Variants in SYN3 observed in about 807,000 individuals in gnomAD.
The protein encoded by SYN3 is synapsin III.
A neutral mutation model predicts 65.8 loss-of-function variants in SYN3; 35 were observed. That is an observed-to-expected ratio of 0.53 (90% CI 0.41 to 0.70). The LOEUF is 0.70. Ranked by LOEUF, SYN3 falls within the 30% of genes least tolerant of loss-of-function variation. The pLI, the probability that SYN3 is intolerant of heterozygous loss-of-function variation, is 0.00. For synonymous variants in SYN3, 270 were observed against 292.9 expected, an observed-to-expected ratio of 0.92 and a Z score of 0.80; for missense variants, 680 against 749.0, an observed-to-expected ratio of 0.91 and a Z score of 1.08.
rs1026864520 is a variant in SYN3, at chr22:32,682,901, G to A, written c.712-86165C>T. Among the ~76,000 whole-genome samples the A allele has an allele frequency of 4.5e-3, 688 of 152,244 alleles. 7 individuals carry two copies. Among genetic ancestry groups the A allele is most frequent in the African/African-American group, 0.016 (663 of 41,524 alleles). On this transcript the variant is annotated intron_variant, in intron 6 of 13. Transcript: ENST00000358763. The stretch of plus-strand genomic sequence containing the variant: ...CATTTAGCAGATATGCCCTTGGAAG[G>A]TGCCTTGGTGAGGCTAGCTGTGACA...
chr22:32,675,999 T>C (rs1317066113), intron 6 of SYN3, among the ~76,000 whole-genome samples: 3 of 152,158 alleles, frequency 2.0e-5, no homozygotes, highest in Non-Finnish European at 4.4e-5. Context: ...CAAACTGTCA[T>C]TGTGTGGTCA....
At chr22:32,805,719 C>A (rs2145952617) in intron 6 of SYN3, among the ~76,000 whole-genome samples, 1 of 150,790 alleles carries the variant, frequency 6.6e-6, no homozygotes, top group East Asian at 2.0e-4. Flanking sequence ...TTGTCCAAGG[C>A]CACCCAGTTG....
chr22:32,667,550 G>A (rs1186751570), intron 6 of SYN3, among the ~76,000 whole-genome samples: 2 of 152,150 alleles, frequency 1.3e-5, no homozygotes, highest in African/African-American at 2.4e-5. Context: ...GGTAGGTCAA[G>A]TTCCTTAAAG....
intron 12 of SYN3, 65 bp downstream of exon 12, chr22:32,527,850 TGGA>T: frequency 4.4e-6 from 6 of 1,354,318 alleles, no homozygotes; most frequent in Non-Finnish European, 6.2e-6. Context: ...GAATCACATG[TGGA>T]TCCCTCGGTG....
intron 1 of SYN3, among the ~76,000 whole-genome samples, chr22:33,028,565 C>T (rs541867495): frequency 9.3e-5 from 14 of 150,864 alleles, no homozygotes; most frequent in African/African-American, 2.7e-4. Context: ...TGATCCATGA[C>T]GCTTGCTGGG....
chr22:32,626,607 T>C (rs58659637), intron 6 of SYN3, among the ~76,000 whole-genome samples: 15,514 of 152,100 alleles, frequency 0.1, 1,925 homozygotes, highest in African/African-American at 0.3. Context: ...GGGGACTCTG[T>C]TGACCTGCCC....
chr22:32,565,053 A>G (rs1409139207), intron 7 of SYN3, among the ~76,000 whole-genome samples: 2 of 148,150 alleles, frequency 1.3e-5, no homozygotes, highest in African/African-American at 2.5e-5. Flanking sequence ...GTGATCTCAG[A>G]CTGCACCCAA....
intron 1 of SYN3, among the ~76,000 whole-genome samples, chr22:33,050,201 G>T (rs1322939625): frequency 6.6e-6 from 1 of 152,212 alleles, no homozygotes; most frequent in African/African-American, 2.4e-5. Flanking sequence ...GAGGGGCTTG[G>T]CCAGGCACAG....
In SYN3 at chr22:32,904,227, G is replaced by A. The variant is rs1271842777; in HGVS notation, c.461+27163C>T. Among the ~76,000 whole-genome samples the A allele has an allele frequency of 2.0e-5, 3 of 152,184 alleles. No individual in the cohort carries two copies. The East Asian group carries it at 5.8e-4, about 29-fold the overall frequency. Reference sequence around the variant, plus strand: ...CCAGCAGGCCTTGTGGTTGAGTGTGGGCATGTGACAGAGTTCTGGCCAATG... The same window carrying A: ...CCAGCAGGCCTTGTGGTTGAGTGTGAGCATGTGACAGAGTTCTGGCCAATG... On this transcript the variant is annotated intron_variant, in intron 4 of 13. Coordinates refer to ENST00000358763, the MANE Select transcript of SYN3 (RefSeq NM_003490.4).
chr22:32,639,858 G>C (rs141644605), intron 6 of SYN3, among the ~76,000 whole-genome samples: 3 of 152,192 alleles, frequency 2.0e-5, no homozygotes, highest in Admixed American at 2.0e-4. Flanking sequence ...CCTTGGATGA[G>C]TGCTGTTGTC....
chr22:32,606,819 T>A (rs1362004312), intron 6 of SYN3, among the ~76,000 whole-genome samples: 2 of 151,518 alleles, frequency 1.3e-5, no homozygotes, highest in African/African-American at 4.8e-5. Context: ...TTTATTTTTT[T>A]AATTTTTAAA....
At chr22:32,643,556 G>GA (rs2059935276) in intron 6 of SYN3, among the ~76,000 whole-genome samples, 1 of 38,632 alleles carries the variant, frequency 2.6e-5, no homozygotes, top group African/African-American at 1.2e-4. Flanking sequence ...TGGTGGGGGG[G>GA]CGGGGGGGGC....
At chr22:32,803,009 C>T (rs918636134) in intron 6 of SYN3, among the ~76,000 whole-genome samples, 1 of 152,072 alleles carries the variant, frequency 6.6e-6, no homozygotes, top group Non-Finnish European at 1.5e-5. Flanking sequence ...TATGGAGGGC[C>T]CCGAGAGCAT....
chr22:32,855,976 T>G (rs1007066602), intron 6 of SYN3, among the ~76,000 whole-genome samples: 2 of 152,222 alleles, frequency 1.3e-5, no homozygotes, highest in East Asian at 3.8e-4. Flanking sequence ...ACGAACCCAA[T>G]GCTTTCACCA....
At chr22:32,814,241 GAA>G (rs1367221229) in intron 6 of SYN3, among the ~76,000 whole-genome samples, 3 of 144,382 alleles carry the variant, frequency 2.1e-5, no homozygotes, top group Non-Finnish European at 4.5e-5. Flanking sequence ...AAAAAAGAAA[GAA>G]AGAAGGAAAG....
chr22:32,660,508 C>T (rs2060202498), intron 6 of SYN3, among the ~76,000 whole-genome samples: 1 of 152,154 alleles, frequency 6.6e-6, no homozygotes, highest in African/African-American at 2.4e-5. Flanking sequence ...ACCACTTCCT[C>T]TCTAATCCAG....
Position 32,596,742 on chromosome 22 carries a change from A to G in SYN3, c.712-6T>C, listed in dbSNP as rs777796558. ...GGGAAGTGTGGGGCTGTGACCTGAA[A>G]GAGACAAGAAGAAGTCACTCTTAAC... On this transcript the variant is annotated splice_polypyrimidine_tract_variant and splice_region_variant and intron_variant, in intron 6 of 13. Coordinates refer to ENST00000358763, the MANE Select transcript of SYN3 (RefSeq NM_003490.4). The G allele has an allele frequency of 1.2e-6, 2 of 1,613,694 alleles. No individual in the cohort carries two copies. Among genetic ancestry groups the G allele is most frequent in the Non-Finnish European group, 1.7e-6 (2 of 1,179,844 alleles).
chr22:32,977,249 C>T (rs2052224590), intron 3 of SYN3, among the ~76,000 whole-genome samples: 1 of 152,134 alleles, frequency 6.6e-6, no homozygotes, highest in African/African-American at 2.4e-5. Context: ...CCCAGAGCCC[C>T]TGGGTGAGTT....
chr22:32,709,860 T>C (rs2060931880), intron 6 of SYN3, among the ~76,000 whole-genome samples: 1 of 152,076 alleles, frequency 6.6e-6, no homozygotes, highest in Non-Finnish European at 1.5e-5. Flanking sequence ...TTATTCTTAA[T>C]GTTGAAAAAG....
Sources: gnomAD v4.1 joint callset for allele counts (sites outside exome capture counted in the v4.1 genomes callset) on GRCh38, gnomAD v4.1.1 for gene constraint, MANE v1.5 for transcripts, NCBI Gene and HGNC (gene_info 2026-07-23, HGNC 2026-07-21) for gene names.